Variants in PRR5L observed in about 807,000 individuals in gnomAD.
PRR5L encodes the protein proline-rich protein 5-like.
Under a neutral mutation model 36.4 loss-of-function variants are expected in PRR5L, and 21 were observed. The ratio of observed to expected loss-of-function variants is 0.58; its 90% CI spans 0.41 to 0.83. The LOEUF is 0.83. Among genes scored for constraint, PRR5L ranks in the 40% least tolerant of loss-of-function variants. The pLI is 0.00. For missense variants in PRR5L, 381 were observed against 473.3 expected (o/e 0.80, Z 1.81); for synonymous variants, 188 against 197.0 (o/e 0.95, Z 0.38).
chr11:36,361,278 A>G (rs534269236), intron 1 of PRR5L, among the ~76,000 whole-genome samples: 1 of 152,358 alleles, frequency 6.6e-6, no homozygotes, highest in African/African-American at 2.4e-5. Flanking sequence ...CTCTTAGGCC[A>G]GATATTCAAG....
intron 1 of PRR5L, among the ~76,000 whole-genome samples, chr11:36,334,170 C>T (rs1010326848): frequency 6.6e-6 from 1 of 152,168 alleles, no homozygotes; most frequent in Non-Finnish European, 1.5e-5. Context: ...ACACCTACTG[C>T]AAAGGAGGCT....
rs1424069445 is a variant in PRR5L at position 36,446,431 on chromosome 11, C to T, written c.576C>T (p.Leu192=). 1.9e-6 allele frequency: 3 copies of T among 1,613,988 alleles called. No homozygotes were observed. Among genetic ancestry groups the T allele is most frequent in the South Asian group, 1.1e-5 (1 of 91,080 alleles). The change falls in exon 7 of 9, where the codon CTC becomes CTT. Residue 192 remains leucine (L), a synonymous_variant. Transcript: ENST00000530639. ...KLPSSIVQML[L]ILQSVHEPTG... is the part of the protein sequence containing the mutation. ...CCTCGTCCATTGTCCAGATGTTGCTCATCCTGCAGGTGAGGCTGTGCTGGA... is the reference window on the plus strand; with the variant it reads ...CCTCGTCCATTGTCCAGATGTTGCTTATCCTGCAGGTGAGGCTGTGCTGGA...
At chr11:36,437,633 T>C (rs1399340355) in intron 6 of PRR5L, among the ~76,000 whole-genome samples, 157 bp downstream of exon 6, 1 of 152,212 alleles carries the variant, frequency 6.6e-6, no homozygotes, top group East Asian at 1.9e-4. Context: ...GCTCTCTGGT[T>C]CTATATTTAG....
Position 36,316,712 on chromosome 11 carries a change from G to A in PRR5L, c.-126+20274G>A, listed in dbSNP as rs550428283. Among the ~76,000 whole-genome samples, 54 of 152,208 alleles carry A rather than the reference G, an allele frequency of 3.5e-4. No homozygotes were observed. In the East Asian group the frequency reaches 0.01, roughly 28 times the overall value. On this transcript the variant is annotated intron_variant, in intron 1 of 8. Transcript: ENST00000530639. ...TTTACAATAGTGATGTTATCCCTAG[G>A]AGCAATTTGGGAAGGGTCAGACTCT...
Position 36,302,137 on chromosome 11 carries a change from C to T in PRR5L, c.-126+5699C>T, listed in dbSNP as rs544603387. 7.9e-5 allele frequency among the ~76,000 whole-genome samples: 12 copies of T among 152,184 alleles called. No homozygotes were observed. In the East Asian group the frequency reaches 9.7e-4, roughly 12 times the overall value. The stretch of plus-strand genomic sequence containing the variant: ...AAACTGGAAAATACAAAGTAGCAAG[C>T]GCATTGATGGGAGGTAAGGGTACCA... On this transcript the variant is annotated intron_variant, in intron 1 of 8. Coordinates refer to ENST00000530639, the MANE Select transcript of PRR5L (RefSeq NM_001160167.2).
At chr11:36,341,822 G>A (rs77239556) in intron 1 of PRR5L, among the ~76,000 whole-genome samples, 1 of 152,194 alleles carries the variant, frequency 6.6e-6, no homozygotes, top group African/African-American at 2.4e-5. Flanking sequence ...TGAGATGTCA[G>A]GTGGGCTTTG....
rs73449336 is a variant in PRR5L, at chr11:36,462,205, T to C, written c.713-137T>C. On this transcript the variant is annotated intron_variant, in intron 8 of 8. Transcript: ENST00000530639. ...TTTAGGTATCACCAGATTCCTCCCTTGCATTGTGGCAGGGCTGCACCTAAG... is the reference window on the plus strand; with the variant it reads ...TTTAGGTATCACCAGATTCCTCCCTCGCATTGTGGCAGGGCTGCACCTAAG... 2,140 of 769,224 alleles carry C rather than the reference T, an allele frequency of 2.8e-3. 39 individuals are homozygous for C. In the African/African-American group the frequency reaches 0.034, roughly 12 times the overall value. The allele number at this position is 769,224 out of a possible 1,614,324, so 47.6% of individuals were successfully genotyped here.
chr11:36,390,296 T>C (rs1857540740), intron 1 of PRR5L, among the ~76,000 whole-genome samples: 1 of 152,120 alleles, frequency 6.6e-6, no homozygotes, highest in African/African-American at 2.4e-5. Context: ...CCACAGCACA[T>C]GGAAGGGTCC....
intron 1 of PRR5L, chr11:36,379,588 T>C (rs1857334469): frequency 6.6e-6 from 1 of 152,172 alleles, no homozygotes; most frequent in South Asian, 2.1e-4. Flanking sequence ...TGCTGAAATA[T>C]AGGAATAAAA....
At position 36,339,343 on chromosome 11, in the gene PRR5L, C is replaced by T. The variant is rs1320618594; in HGVS notation, c.-126+42905C>T. On this transcript the variant is annotated intron_variant, in intron 1 of 8. Transcript: ENST00000530639. ...TTCTGACCTCAGACGATCCACTCAC[C>T]TTGGCCTCCCAAAGTGCTGGGATTA... Among the ~76,000 whole-genome samples the T allele has an allele frequency of 2.0e-5, 3 of 152,352 alleles. No homozygotes were observed. In the East Asian group the frequency reaches 5.8e-4, roughly 29 times the overall value.
intron 4 of PRR5L, among the ~76,000 whole-genome samples, chr11:36,423,367 G>C (rs1274780388): frequency 6.6e-6 from 1 of 152,228 alleles, no homozygotes; most frequent in African/African-American, 2.4e-5. Context: ...GAGAGCTGAA[G>C]GAGTGTAGCG....
intron 3 of PRR5L, among the ~76,000 whole-genome samples, chr11:36,414,471 T>G (rs1345253739): frequency 6.7e-6 from 1 of 148,590 alleles, no homozygotes; most frequent in African/African-American, 2.5e-5. Flanking sequence ...CCAGTGATGC[T>G]GAGCATTTTT....
Position 36,442,739 on chromosome 11 carries a change from A to C in PRR5L, c.445-3561A>C, listed in dbSNP as rs114635827. Among the ~76,000 whole-genome samples, 132 of 152,336 alleles carry C rather than the reference A, an allele frequency of 8.7e-4. 1 individual carries two copies. The highest frequency in any genetic ancestry group is 3.0e-3 in the African/African-American group (124 of 41,570). On this transcript the variant is annotated intron_variant, in intron 6 of 8. Transcript: ENST00000530639. ...CACAATACAGACAAATTATTTGCTA[A>C]GGCATAAAAAGGGTGATTTTTATTC...
chr11:36,345,503 C>T (rs1856856408), intron 1 of PRR5L, among the ~76,000 whole-genome samples: 1 of 151,858 alleles, frequency 6.6e-6, no homozygotes. Context: ...ATGAAGAATT[C>T]ATGCAGAAAA....
At chr11:36,372,977 TG>T (rs1857212626) in intron 1 of PRR5L, among the ~76,000 whole-genome samples, 1 of 4,768 alleles carries the variant, frequency 2.1e-4, no homozygotes, top group South Asian at 0.022. Context: ...GCCTAATAGT[TG>T]TGTGTGTGTG....
At chr11:36,424,426 A>C (rs1057304346) in intron 4 of PRR5L, among the ~76,000 whole-genome samples, 1 of 152,360 alleles carries the variant, frequency 6.6e-6, no homozygotes, top group Non-Finnish European at 1.5e-5. Context: ...TAGAAGAGAA[A>C]GGAATGGCAG....
At chr11:36,346,379 C>G (rs540835223) in intron 1 of PRR5L, among the ~76,000 whole-genome samples, 3 of 152,066 alleles carry the variant, frequency 2.0e-5, no homozygotes, top group Non-Finnish European at 4.4e-5. Context: ...GTCAGGAGAT[C>G]GAGACCATCC....
At chr11:36,428,653 T>C (rs1196835803) in intron 4 of PRR5L, among the ~76,000 whole-genome samples, 3 of 152,218 alleles carry the variant, frequency 2.0e-5, no homozygotes. Context: ...CTCACTCTCA[T>C]GTCTTTTATT....
chr11:36,419,366 G>A (rs1858216013), intron 4 of PRR5L, 63 bp downstream of exon 4: 1 of 1,396,546 alleles, frequency 7.2e-7, no homozygotes, highest in Admixed American at 1.7e-5. Context: ...ACCTAAAAGG[G>A]GTGGCCAATA....
Sources: allele counts gnomAD v4.1 joint callset (sites outside exome capture counted in the v4.1 genomes callset), GRCh38; gene constraint gnomAD v4.1.1; transcripts MANE v1.5; gene names NCBI Gene and HGNC (gene_info 2026-07-23, HGNC 2026-07-21).